Variants in DNAH2 observed in about 807,000 individuals in gnomAD.
DNAH2 encodes dynein axonemal heavy chain 2.
In DNAH2, 323 loss-of-function variants were observed where a neutral mutation model predicts 523.5. The observed-to-expected ratio is 0.62, with a 90% CI of 0.56 to 0.68. The LOEUF (loss-of-function observed/expected upper bound fraction) is 0.68. Ranked by LOEUF, DNAH2 falls within the 30% of genes least tolerant of loss-of-function variation. DNAH2 has a pLI of 0.00. For missense variants in DNAH2, 4,907 were observed against 5,701.5 expected (o/e 0.86, Z 4.49); for synonymous variants, 2,093 against 2,177.4 (o/e 0.96, Z 1.08).
At position 7,754,349 on chromosome 17, in the gene DNAH2, CT is replaced by C; in HGVS notation, c.1905-2740del. On this transcript the variant is annotated intron_variant, in intron 12 of 85. Transcript: ENST00000572933. This position sits in a 1 kb window ranked among gnomAD's most constrained non-coding sequence, Gnocchi z 4.6. ...GTTATACTAGAATAGGCAGCCCAGGCTTCCGGTTCTAGGTGCTTCAGGAGCC... is the reference window on the plus strand; with the variant it reads ...GTTATACTAGAATAGGCAGCCCAGGCTCCGGTTCTAGGTGCTTCAGGAGCC... 2 of 450,188 alleles carry C rather than the reference CT, an allele frequency of 4.4e-6. No homozygotes were observed. Among genetic ancestry groups the C allele is most frequent in the Non-Finnish European group, 7.9e-6 (2 of 254,322 alleles). The allele number at this position is 450,188 out of a possible 1,614,324, so 27.9% of individuals were successfully genotyped here.
intron 12 of DNAH2, among the ~76,000 whole-genome samples, chr17:7,747,153 T>G (rs2075541524): frequency 6.6e-6 from 1 of 152,102 alleles, no homozygotes; most frequent in Non-Finnish European, 1.5e-5. Context: ...CTTGCCTTTT[T>G]TTTTGAATGT....
intron 12 of DNAH2, among the ~76,000 whole-genome samples, chr17:7,755,958 C>T (rs1443160770): frequency 6.6e-6 from 1 of 151,918 alleles, no homozygotes; most frequent in Non-Finnish European, 1.5e-5. Context: ...AAAAAAAGGC[C>T]AGGAGTGGTG....
Position 7,797,207 on chromosome 17 carries a change from A to G in DNAH2, c.7895A>G (p.Asp2632Gly). Residue 2632 changes from aspartate (D) to glycine (G), a missense_variant, in exon 51 of 86, where the codon GAC (aspartate) becomes GGC (glycine). Coordinates refer to ENST00000572933, the MANE Select transcript of DNAH2 (RefSeq NM_020877.5). ...CAGGGCATGCTTAGAGCCAACAAGGACTTCCATGATACCAAGTCCAGCATC... is the reference window on the plus strand; with the variant it reads ...CAGGGCATGCTTAGAGCCAACAAGGGCTTCCATGATACCAAGTCCAGCATC... ...VFQGMLRANK[D>G]FHDTKSSITR... is the part of the protein sequence containing the mutation. 6.2e-7 allele frequency: 1 copy of G among 1,613,306 alleles called. No homozygotes were observed. The highest frequency in any genetic ancestry group is 8.5e-7 in the Non-Finnish European group (1 of 1,179,900).
Position 7,831,063 on chromosome 17 carries a change from G to A in DNAH2, c.12231-23G>A. On this transcript the variant is annotated intron_variant, in intron 79 of 85. Coordinates refer to ENST00000572933, the MANE Select transcript of DNAH2 (RefSeq NM_020877.5). This position sits in a 1 kb window ranked among gnomAD's most constrained non-coding sequence, Gnocchi z 4.2. ...AGGGCTGAGTCCCCACAATGTGGCAGTAATTATGCTATGACTCCCTAGGTT... is the reference window on the plus strand; with the variant it reads ...AGGGCTGAGTCCCCACAATGTGGCAATAATTATGCTATGACTCCCTAGGTT... 6.2e-7 allele frequency: 1 copy of A among 1,606,496 alleles called. No homozygotes were observed. The highest frequency in any genetic ancestry group is 8.5e-7 in the Non-Finnish European group (1 of 1,176,880).
chr17:7,740,051 A>G, intron 9 of DNAH2, 113 bp downstream of exon 9: 1 of 521,892 alleles, frequency 1.9e-6, no homozygotes, highest in Non-Finnish European at 2.6e-6. Context: ...ACAGATCGGG[A>G]TCAGGGCGGT....
At position 7,767,959 on chromosome 17, in the gene DNAH2, T is replaced by C; in HGVS notation, c.3735T>C (p.Asn1245=). 1 of 1,614,142 alleles carries C rather than the reference T, an allele frequency of 6.2e-7. No homozygotes were observed. Among genetic ancestry groups the C allele is most frequent in the Non-Finnish European group, 8.5e-7 (1 of 1,180,030 alleles). ...EIARDWEENW[N]EWKTGRFLIL... is the part of the protein sequence containing the mutation. Reference sequence around the variant, plus strand: ...CACGAGACTGGGAGGAGAACTGGAATGAGTGGAAGACTGGCCGGTTCCTGA... The same window carrying C: ...CACGAGACTGGGAGGAGAACTGGAACGAGTGGAAGACTGGCCGGTTCCTGA... Residue 1245 remains asparagine (N), a synonymous_variant, in exon 23 of 86, where the codon AAT becomes AAC. Transcript: ENST00000572933.
At chr17:7,816,879 C>G (rs1233675444) in intron 64 of DNAH2, 144 bp downstream of exon 64, 3 of 1,029,602 alleles carry the variant, frequency 2.9e-6, no homozygotes, top group Admixed American at 2.9e-5. Context: ...GGGAGCTCTT[C>G]CCCTCCCCCT....
Position 7,723,623 on chromosome 17 carries a change from C to T in DNAH2, c.167-5C>T. The T allele has an allele frequency of 1.9e-6, 3 of 1,613,600 alleles. No individual in the cohort carries two copies. Among genetic ancestry groups the T allele is most frequent in the South Asian group, 2.2e-5 (2 of 91,066 alleles). On this transcript the variant is annotated splice_region_variant and splice_polypyrimidine_tract_variant and intron_variant, in intron 2 of 85. Coordinates refer to ENST00000572933, the MANE Select transcript of DNAH2 (RefSeq NM_020877.5). ...CCTTCCTTTTTGTATGTTTATTCTTCCTAGAGCCACGGTTGGAGGGACCTC... is the reference window on the plus strand; with the variant it reads ...CCTTCCTTTTTGTATGTTTATTCTTTCTAGAGCCACGGTTGGAGGGACCTC...
chr17:7,823,906 C>T lies in DNAH2; in HGVS notation c.11402C>T (p.Ala3801Val). 6.2e-7 allele frequency: 1 copy of T among 1,614,076 alleles called. No individual in the cohort carries two copies. Among genetic ancestry groups the T allele is most frequent in the African/African-American group, 1.3e-5 (1 of 75,048 alleles). The change falls in exon 75 of 86, where the codon GCC becomes GTC. Residue 3801 changes from alanine to valine, a missense_variant. By Grantham distance (64) the Ala-to-Val change is moderately conservative (BLOSUM62 0). This residue lies in a region of DNAH2 where 1,851 missense variants were observed against 2,139.4 expected (regional missense o/e 0.87). Transcript: ENST00000572933. Reference protein sequence around the residue: ...IVRSLRQDRVAFCVTSFIITN... With the variant: ...IVRSLRQDRVVFCVTSFIITN... ...CGCTCCCTGCGCCAGGACCGCGTGG[C>T]CTTCTGCGTGACCTCCTTCATCATC...
chr17:7,787,244 T>C (rs907706027), intron 42 of DNAH2: 2 of 659,556 alleles, frequency 3.0e-6, no homozygotes, highest in Admixed American at 5.9e-5. Flanking sequence ...AAAAACACCC[T>C]CTGTTGTAAG....
At chr17:7,814,836 C>T (rs374432105) in intron 63 of DNAH2, among the ~76,000 whole-genome samples, 1 of 152,156 alleles carries the variant, frequency 6.6e-6, no homozygotes, top group Non-Finnish European at 1.5e-5. Flanking sequence ...GAGACAAGAG[C>T]GAGACTCCGT....
chr17:7,729,373 G>A (rs1266641258), intron 4 of DNAH2, among the ~76,000 whole-genome samples: 3 of 150,390 alleles, frequency 2.0e-5, no homozygotes, highest in Non-Finnish European at 4.4e-5. Context: ...TAGCAAGACC[G>A]CCATCTCCAA....
Position 7,759,921 on chromosome 17 carries a change from C to A in DNAH2, c.2768C>A (p.Pro923His). The change falls in exon 17 of 86, where the codon CCC (proline) becomes CAC (histidine). Residue 923 changes from proline (P) to histidine (H), a missense_variant. Coordinates refer to ENST00000572933, the MANE Select transcript of DNAH2 (RefSeq NM_020877.5). ...ILTKRKLHREPIQTVVEQDED... is the reference protein window; with the variant it reads ...ILTKRKLHREHIQTVVEQDED... ...ACCAAGCGCAAGTTACATCGTGAAC[C>A]CATCCAAACAGTTGTGGGTGAGTGG... 12 of 1,614,168 alleles carry A rather than the reference C, an allele frequency of 7.4e-6. No homozygotes were observed. The highest frequency in any genetic ancestry group is 9.3e-6 in the Non-Finnish European group (11 of 1,180,028).
chr17:7,784,382 A>G (rs1356244485), intron 39 of DNAH2, among the ~76,000 whole-genome samples: 2 of 152,176 alleles, frequency 1.3e-5, no homozygotes, highest in African/African-American at 4.8e-5. Flanking sequence ...ACTGGACTCA[A>G]TAATTGGAGA....
At chr17:7,799,265 C>G in intron 56 of DNAH2, 23 bp downstream of exon 56, 1 of 1,611,906 alleles carries the variant, frequency 6.2e-7, no homozygotes, top group East Asian at 2.2e-5. Context: ...ACATCCTTCT[C>G]TCAGCCCCTT....
chr17:7,778,057 T>G lies in DNAH2; in HGVS notation c.5248-20T>G. On this transcript the variant is annotated intron_variant, in intron 33 of 85. Coordinates refer to ENST00000572933, the MANE Select transcript of DNAH2 (RefSeq NM_020877.5). ...TCCTTCCAAGCCCACCTCTCTCTTT[T>G]TCTGCGCTGTTTTCCCCAGGATCTT... 6.2e-7 allele frequency: 1 copy of G among 1,603,194 alleles called. No individual in the cohort carries two copies. The highest frequency in any genetic ancestry group is 8.5e-7 in the Non-Finnish European group (1 of 1,169,870).
chr17:7,764,058 G>GGGGGCA, intron 19 of DNAH2, 27 bp downstream of exon 19: 2 of 1,614,140 alleles, frequency 1.2e-6, no homozygotes, highest in Non-Finnish European at 1.7e-6. Context: ...CCCACAGGAA[G>GGGGGCA]GGGGCAGGGG....
Position 7,798,206 on chromosome 17 carries a change from G to C in DNAH2, c.8280G>C (p.Leu2760=). The C allele has an allele frequency of 6.2e-7, 1 of 1,612,972 alleles. No homozygotes were observed. ...VIGQPRGNML[L]VGIGGSGRQS... is the part of the protein sequence containing the mutation. Reference sequence around the variant, plus strand: ...GACAGCCTCGGGGCAACATGCTCCTGGTGGGTATCGGGGGCAGCGGACGCC... The same window carrying C: ...GACAGCCTCGGGGCAACATGCTCCTCGTGGGTATCGGGGGCAGCGGACGCC... Residue 2760 remains leucine (L), a synonymous_variant, in exon 54 of 86, where the codon CTG becomes CTC. Transcript: ENST00000572933. The surrounding 1 kb of genome is among the most constrained non-coding windows in gnomAD (Gnocchi z 5.5).
chr17:7,731,345 T>G lies in DNAH2; in HGVS notation c.400-1742T>G, dbSNP rs958487288. Among the ~76,000 whole-genome samples, 3 of 152,062 alleles carry G rather than the reference T, an allele frequency of 2.0e-5. No homozygotes were observed. The South Asian group carries it at 6.2e-4, about 31-fold the overall frequency. Reference sequence around the variant, plus strand: ...AAAACTCATAATATTTTTCATAATCTTTTTTTCTTACCACCATAGAAAGGG... The same window carrying G: ...AAAACTCATAATATTTTTCATAATCGTTTTTTCTTACCACCATAGAAAGGG... On this transcript the variant is annotated intron_variant, in intron 4 of 85. Transcript: ENST00000572933.
Sources: gnomAD v4.1 joint callset for allele counts (sites outside exome capture counted in the v4.1 genomes callset) on GRCh38, gnomAD v4.1.1 for gene constraint, gnomAD v4.1.1 regional missense constraint, Gnocchi (gnomAD v3.1) non-coding constraint, MANE v1.5 for transcripts, NCBI Gene and HGNC (gene_info 2026-07-23, HGNC 2026-07-21) for gene names.